The following TUSC3 variants were observed in gnomAD, a reference collection of about 807,000 sequenced individuals.
The protein encoded by TUSC3 is dolichyl-diphosphooligosaccharide--protein glycosyltransferase subunit TUSC3.
In TUSC3, 45 loss-of-function variants were observed where a neutral mutation model predicts 44.8. That is an observed-to-expected ratio of 1.00 (90% CI 0.79 to 1.29). TUSC3 has a LOEUF of 1.29. Among genes scored for constraint, TUSC3 ranks in the 50% most tolerant of loss-of-function variants. The pLI, the probability that TUSC3 is intolerant of heterozygous loss-of-function variation, is 0.00. For synonymous variants in TUSC3, 212 were observed against 152.9 expected (o/e 1.39, Z -2.85); for missense variants, 519 against 437.9 (o/e 1.19, Z -1.65).
At chr8:15,588,793 C>T (rs1185346914) in intron 1 of TUSC3, among the ~76,000 whole-genome samples, 2 of 152,132 alleles carry the variant, frequency 1.3e-5, no homozygotes, top group African/African-American at 2.4e-5. Flanking sequence ...TTTCCCCGCA[C>T]TATTTATTGA....
chr8:15,550,034 C>T lies in TUSC3; in HGVS notation c.138+9466C>T, dbSNP rs188812442. ...AGGGTCATGATCGATTGAGCAAGCA[C>T]GGGGTACGTGACTGGGGGCTGCTCA... On this transcript the variant is annotated intron_variant, in intron 1 of 10. Coordinates refer to ENST00000503731, the MANE Select transcript of TUSC3 (RefSeq NM_006765.4). Among the ~76,000 whole-genome samples, 391 of 151,768 alleles carry T rather than the reference C, an allele frequency of 2.6e-3. 9 individuals carry two copies. Among genetic ancestry groups the T allele is most frequent in the Non-Finnish European group, 4.4e-3 (296 of 67,862 alleles).
At chr8:15,437,765 C>T (rs1799968056) in intron 1 of TUSC3, among the ~76,000 whole-genome samples, 1 of 152,150 alleles carries the variant, frequency 6.6e-6, no homozygotes, top group African/African-American at 2.4e-5. Flanking sequence ...TCATGGAAAC[C>T]AGGATCTATA....
At chr8:15,544,726 A>C (rs1246335610) in intron 1 of TUSC3, among the ~76,000 whole-genome samples, 1 of 151,800 alleles carries the variant, frequency 6.6e-6, no homozygotes, top group African/African-American at 2.4e-5. Context: ...CAGAGAACTT[A>C]AGTGGAAGAA....
intron 1 of TUSC3, among the ~76,000 whole-genome samples, chr8:15,481,115 G>A (rs1049136870): frequency 7.9e-5 from 12 of 152,000 alleles, no homozygotes; most frequent in African/African-American, 2.9e-4. Context: ...CAGTGTGGTG[G>A]TGCATGACTG....
intron 6 of TUSC3, among the ~76,000 whole-genome samples, chr8:15,714,833 T>C (rs1376381944): frequency 6.6e-6 from 1 of 152,174 alleles, no homozygotes; most frequent in Non-Finnish European, 1.5e-5. Flanking sequence ...TGGTAGATGT[T>C]AGTTTTATAT....
intron 2 of TUSC3, among the ~76,000 whole-genome samples, chr8:15,636,293 G>A (rs1430869796): frequency 3.3e-5 from 5 of 152,132 alleles, no homozygotes; most frequent in Non-Finnish European, 5.9e-5. Context: ...CATTAACTTT[G>A]AGTTGGGTGG....
At chr8:15,439,427 T>C (rs989845858) in intron 1 of TUSC3, among the ~76,000 whole-genome samples, 43 of 152,136 alleles carry the variant, frequency 2.8e-4, no homozygotes, top group African/African-American at 1.0e-3. Flanking sequence ...TGTTGTAGGA[T>C]GTTCCTGTAG....
Position 15,603,553 on chromosome 8 carries a change from A to G in TUSC3, c.139-19527A>G, listed in dbSNP as rs577400901. On this transcript the variant is annotated intron_variant, in intron 1 of 10. Transcript: ENST00000503731. The stretch of plus-strand genomic sequence containing the variant: ...AAATTTTTTAAGTACAATATATAGG[A>G]TTATAAAAGATAGTCATATTGAAAT... Among the ~76,000 whole-genome samples the G allele has an allele frequency of 4.6e-5, 7 of 151,794 alleles. No individual in the cohort carries two copies. In the East Asian group the frequency reaches 1.2e-3, roughly 25 times the overall value.
chr8:15,427,220 A>AT (rs1480513939), intron 1 of TUSC3, among the ~76,000 whole-genome samples: 7 of 78,360 alleles, frequency 8.9e-5, no homozygotes, highest in Non-Finnish European at 1.0e-4. Context: ...ACGGTGCAGA[A>AT]GGTTTTTCCT....
intron 4 of TUSC3, among the ~76,000 whole-genome samples, chr8:15,660,919 A>AC (rs1301984589): frequency 4.1e-4 from 61 of 149,794 alleles, no homozygotes; most frequent in Admixed American, 1.5e-3. Context: ...AAAAAAAAAA[A>AC]AACCCATAAA....
chr8:15,806,280 T>C, the TUSC3 span: 11 of 633,486 alleles, frequency 1.7e-5, no homozygotes, highest in African/African-American at 1.5e-4. Context: ...GATGTTCTCA[T>C]TGGCTAATGT....
chr8:15,669,232 C>G (rs1222550335), intron 5 of TUSC3, among the ~76,000 whole-genome samples: 1 of 151,832 alleles, frequency 6.6e-6, no homozygotes, highest in African/African-American at 2.4e-5. Context: ...AGTCTTCATA[C>G]TCCAGTATGG....
intron 2 of TUSC3, among the ~76,000 whole-genome samples, chr8:15,509,068 G>A (rs1585070363): frequency 6.6e-6 from 1 of 152,158 alleles, no homozygotes; most frequent in Admixed American, 6.5e-5. Flanking sequence ...CTGCTTTGAG[G>A]AATGAGAGAA....
intron 5 of TUSC3, among the ~76,000 whole-genome samples, chr8:15,664,318 G>A (rs2129180722): frequency 6.6e-6 from 1 of 151,638 alleles, no homozygotes; most frequent in East Asian, 1.9e-4. Context: ...ATTCAACCCA[G>A]TAGATACAGT....
At chr8:15,764,154 T>A (rs1303081456) in intron 10 of TUSC3, 49 bp from the exon 11 acceptor site, 11 of 1,490,094 alleles carry the variant, frequency 7.4e-6, no homozygotes, top group African/African-American at 1.4e-5. Context: ...CATATTGTAT[T>A]TTCCTTATGT....
At chr8:15,777,337 C>T in the TUSC3 span, among the ~76,000 whole-genome samples, 1 of 152,098 alleles carries the variant, frequency 6.6e-6, no homozygotes, top group African/African-American at 2.4e-5. Flanking sequence ...GCATAGTGTG[C>T]CTCAGCAACT....
chr8:15,701,528 TG>T (rs1809405547), intron 6 of TUSC3, among the ~76,000 whole-genome samples: 1 of 152,140 alleles, frequency 6.6e-6, no homozygotes. Flanking sequence ...GTTTTGGGTT[TG>T]GGGGTTGTTT....
At chr8:15,561,257 C>G (rs1027703827) in intron 1 of TUSC3, among the ~76,000 whole-genome samples, 4 of 146,200 alleles carry the variant, frequency 2.7e-5, no homozygotes, top group African/African-American at 7.5e-5. Context: ...GTTGGAATAC[C>G]CTGCAGTGTG....
chr8:15,453,177 C>T (rs1430228279), intron 1 of TUSC3, among the ~76,000 whole-genome samples: 1 of 152,094 alleles, frequency 6.6e-6, no homozygotes, highest in Non-Finnish European at 1.5e-5. Context: ...TCAGAAACTG[C>T]CAACTGGGAG....
Sources: gnomAD v4.1 joint callset for allele counts (sites outside exome capture counted in the v4.1 genomes callset) on GRCh38, gnomAD v4.1.1 for gene constraint, MANE v1.5 for transcripts, NCBI Gene and HGNC (gene_info 2026-07-23, HGNC 2026-07-21) for gene names.